The following ZHX1 variants were observed in gnomAD, a reference collection of about 807,000 sequenced individuals.
The protein encoded by ZHX1 is zinc fingers and homeoboxes protein 1.
A neutral mutation model predicts 61.8 loss-of-function variants in ZHX1; 20 were observed. The ratio of observed to expected loss-of-function variants is 0.32; its 90% CI spans 0.23 to 0.47. The LOEUF (loss-of-function observed/expected upper bound fraction) is 0.47, where lower values mean the gene tolerates loss of function less well. Ranked by LOEUF, ZHX1 falls within the 20% of genes least tolerant of loss-of-function variation. The probability of loss-of-function intolerance (pLI) is 1.00; values close to 1 mark genes in which losing one functional copy is unlikely to be tolerated. For synonymous variants in ZHX1, 318 were observed against 352.6 expected (o/e 0.90, Z 1.10); for missense variants, 800 against 1,034.8 (o/e 0.77, Z 3.11).
At chr8:123,250,769 T>G (rs1488748318) in intron 3 of ZHX1, among the ~76,000 whole-genome samples, 1 of 152,248 alleles carries the variant, frequency 6.6e-6, no homozygotes, top group African/African-American at 2.4e-5. Context: ...GAGAAGGCTA[T>G]GGTGAATCCT....
chr8:123,262,674 T>C (rs976746308), intron 2 of ZHX1, among the ~76,000 whole-genome samples: 8 of 152,166 alleles, frequency 5.3e-5, no homozygotes, highest in African/African-American at 1.9e-4. Context: ...TGTTATCACA[T>C]TGCTTTATTA....
At position 123,254,237 on chromosome 8, in the gene ZHX1, T is replaced by A; in HGVS notation, c.1710A>T (p.Gln570His). 6.2e-7 allele frequency: 1 copy of A among 1,614,128 alleles called. No individual in the cohort carries two copies. Among genetic ancestry groups the A allele is most frequent in the Non-Finnish European group, 8.5e-7 (1 of 1,180,008 alleles). ...SWNPFPDFTP[Q>H]KFKEKTAEQL... ...GCTCTGCAGTTTTCTCTTTAAACTT[T>A]TGGGGAGTAAAGTCAGGAAAAGGAT... is the stretch of plus-strand genomic sequence containing the variant. Residue 570 changes from glutamine (Q) to histidine (H), a missense_variant, in exon 3 of 4, where the codon CAA becomes CAT. Physicochemically the swap from Gln to His is conservative, Grantham distance 24 (BLOSUM62 0). Coordinates refer to ENST00000395571, the MANE Select transcript of ZHX1 (RefSeq NM_007222.5). The surrounding 1 kb of genome is among the most constrained non-coding windows in gnomAD (Gnocchi z 4.1).
In ZHX1 at chr8:123,254,914, G is replaced by C; in HGVS notation, c.1033C>G (p.Pro345Ala). 6.2e-7 allele frequency: 1 copy of C among 1,614,160 alleles called. No homozygotes were observed. Among genetic ancestry groups the C allele is most frequent in the Non-Finnish European group, 8.5e-7 (1 of 1,180,024 alleles). The change falls in exon 3 of 4, where the codon CCC (proline) becomes GCC (alanine). Residue 345 changes from proline (P) to alanine (A), a missense_variant. Physicochemically the swap from Pro to Ala is conservative, Grantham distance 27 (BLOSUM62 -1). Transcript: ENST00000395571. This position sits in a 1 kb window ranked among gnomAD's most constrained non-coding sequence, Gnocchi z 4.1. Reference sequence around the variant, plus strand: ...CTTCTTGCCTCCTCTACTTCCTCGGGAGTCCAACTAACACCATGTTTTAAA... The same window carrying C: ...CTTCTTGCCTCCTCTACTTCCTCGGCAGTCCAACTAACACCATGTTTTAAA... ...QRLKHGVSWT[P>A]EEVEEARRKQ... is the part of the protein sequence containing the mutation.
At position 123,250,196 on chromosome 8, in the gene ZHX1, T is replaced by C. The variant is rs1196175978; in HGVS notation, c.*128A>G. ...CATTAAGTTCCATTTCTTTTGGGTA[T>C]TGGATCCTGCTTTTTGAGTGTGTAT... On this transcript the variant is annotated 3_prime_UTR_variant, in exon 4 of 4. Transcript: ENST00000395571. The C allele has an allele frequency of 6.6e-6, 3 of 451,376 alleles. No homozygotes were observed. Among genetic ancestry groups the C allele is most frequent in the African/African-American group, 4.0e-5 (2 of 49,846 alleles). The allele number at this position is 451,376 out of a possible 1,614,324, so 28.0% of individuals were successfully genotyped here. A position where few individuals can be genotyped will look rare whatever the true frequency, so the allele number is the denominator to read the frequency against.
chr8:123,268,049 T>C (rs1471398279), intron 1 of ZHX1, among the ~76,000 whole-genome samples: 1 of 152,138 alleles, frequency 6.6e-6, no homozygotes, highest in Non-Finnish European at 1.5e-5. Context: ...TGAAGACAAT[T>C]TAGTTAAACT....
intron 3 of ZHX1, among the ~76,000 whole-genome samples, chr8:123,251,022 C>T (rs1183811359): frequency 6.6e-6 from 1 of 152,064 alleles, no homozygotes; most frequent in African/African-American, 2.4e-5. Context: ...TGTATAAGCC[C>T]ATACATAACT....
chr8:123,253,741 C>G lies in ZHX1; in HGVS notation c.2206G>C (p.Gly736Arg). ...CCTCTTTTCCTAAGGGAAGACAGAC[C>G]ATTCATACTACTTGAATTGGCGCTC... ...YQSANSSSMN[G>R]LSSLRKRGRG... Residue 736 changes from glycine to arginine, a missense_variant, in exon 3 of 4, where the codon GGT becomes CGT. Coordinates refer to ENST00000395571, the MANE Select transcript of ZHX1 (RefSeq NM_007222.5). 6.2e-7 allele frequency: 1 copy of G among 1,614,178 alleles called. No individual in the cohort carries two copies. The highest frequency in any genetic ancestry group is 8.5e-7 in the Non-Finnish European group (1 of 1,180,022).
chr8:123,265,811 G>A (rs1421089237), intron 2 of ZHX1, among the ~76,000 whole-genome samples: 1 of 152,176 alleles, frequency 6.6e-6, no homozygotes, highest in Non-Finnish European at 1.5e-5. Context: ...AATAATAAAA[G>A]TGAAAGCATC....
In ZHX1 at chr8:123,254,161, C is replaced by T. The variant is rs1423824764; in HGVS notation, c.1786G>A (p.Glu596Lys). 2 of 1,614,036 alleles carry T rather than the reference C, an allele frequency of 1.2e-6. No individual in the cohort carries two copies. Among genetic ancestry groups the T allele is most frequent in the Non-Finnish European group, 1.7e-6 (2 of 1,180,024 alleles). ...TGTGCCCTTAACCTATTTAATTCTT[C>T]ATCTGTAAGTACAGAGCTGTTGAGA... ...SFLNSSVLTD[E>K]ELNRLRAQTK... is the part of the protein sequence containing the mutation. The change falls in exon 3 of 4, where the codon GAA (glutamate) becomes AAA (lysine). Residue 596 changes from glutamate to lysine, a missense_variant. Physicochemically the swap from Glu to Lys is moderately conservative, Grantham distance 56. Transcript: ENST00000395571. The surrounding 1 kb of genome is among the most constrained non-coding windows in gnomAD (Gnocchi z 4.1).
At position 123,274,201 on chromosome 8, in the gene ZHX1, C is replaced by G. The variant is rs932521440; in HGVS notation, c.-340+16G>C. On this transcript the variant is annotated intron_variant, in intron 1 of 3. Coordinates refer to ENST00000395571, the MANE Select transcript of ZHX1 (RefSeq NM_007222.5). Reference sequence around the variant, plus strand: ...TCTCCGGGCCCGCTGGTCGCGGAGCCGGCTCGCGCCACTACCTGCAGGGGC... The same window carrying G: ...TCTCCGGGCCCGCTGGTCGCGGAGCGGGCTCGCGCCACTACCTGCAGGGGC... The G allele has an allele frequency of 6.6e-6, 1 of 152,660 alleles. No individual in the cohort carries two copies. Among genetic ancestry groups the G allele is most frequent in the Non-Finnish European group, 1.5e-5 (1 of 68,416 alleles). 9.5% of individuals were successfully genotyped at this position (152,660 alleles called of 1,614,324 possible). A position where few individuals can be genotyped will look rare whatever the true frequency, so the allele number is the denominator to read the frequency against.
chr8:123,261,759 C>A (rs527637856), intron 2 of ZHX1, among the ~76,000 whole-genome samples: 1 of 152,022 alleles, frequency 6.6e-6, no homozygotes, highest in African/African-American at 2.4e-5. Flanking sequence ...TATTTTCAGT[C>A]CCTGAAAAAT....
rs886093693 is a variant in ZHX1 at position 123,249,942 on chromosome 8, T to C, written c.*382A>G. On this transcript the variant is annotated 3_prime_UTR_variant, in exon 4 of 4. Transcript: ENST00000395571. ...CATCTCAAAGAATAGAGGCAATATATAGCCCATCTTACTAGACATACAGTA... is the reference window on the plus strand; with the variant it reads ...CATCTCAAAGAATAGAGGCAATATACAGCCCATCTTACTAGACATACAGTA... The C allele has an allele frequency of 1.6e-4, 26 of 157,702 alleles. No homozygotes were observed. The highest frequency in any genetic ancestry group is 2.8e-4 in the Non-Finnish European group (20 of 72,062). 9.8% of individuals were successfully genotyped at this position (157,702 alleles called of 1,614,324 possible). A position where few individuals can be genotyped will look rare whatever the true frequency, so the allele number is the denominator to read the frequency against.
At position 123,255,953 on chromosome 8, in the gene ZHX1, G is replaced by C; in HGVS notation, c.-7C>G. 2 of 1,596,852 alleles carry C rather than the reference G, an allele frequency of 1.3e-6. No individual in the cohort carries two copies. Among genetic ancestry groups the C allele is most frequent in the Non-Finnish European group, 8.5e-7 (1 of 1,170,638 alleles). On this transcript the variant is annotated 5_prime_UTR_variant, in exon 3 of 4. Transcript: ENST00000395571. The stretch of plus-strand genomic sequence containing the variant: ...ATTTTCGCCTGCTTGCCATTCTGAT[G>C]TTATGAGGAAAAGCTCAGTGGTGAT...
chr8:123,253,636 T>C lies in ZHX1; in HGVS notation c.2311A>G (p.Arg771Gly), dbSNP rs760580123. Residue 771 changes from arginine (R) to glycine (G), a missense_variant, in exon 3 of 4, where the codon AGG (arginine) becomes GGG (glycine). Physicochemically the swap from Arg to Gly is moderately radical, Grantham distance 125. Coordinates refer to ENST00000395571, the MANE Select transcript of ZHX1 (RefSeq NM_007222.5). Reference sequence around the variant, plus strand: ...TTAAATTTTATGAGTGATGGTCCCCTGTCCCAGTTGTTAATTCTTTTGCTT... The same window carrying C: ...TTAAATTTTATGAGTGATGGTCCCCCGTCCCAGTTGTTAATTCTTTTGCTT... ...RGSKRINNWDRGPSLIKFKTG... is the reference protein window; with the variant it reads ...RGSKRINNWDGGPSLIKFKTG... The C allele has an allele frequency of 8.7e-6, 14 of 1,614,220 alleles. No homozygotes were observed. The highest frequency in any genetic ancestry group is 1.2e-5 in the Non-Finnish European group (14 of 1,180,016).
intron 2 of ZHX1, among the ~76,000 whole-genome samples, chr8:123,265,053 G>A (rs1206017619): frequency 8.6e-5 from 13 of 151,136 alleles, no homozygotes; most frequent in Non-Finnish European, 1.5e-4. Flanking sequence ...GCCCGGCGTC[G>A]TGGCGTGCAC....
At chr8:123,275,166 G>A (rs1826803855), upstream of ZHX1, among the ~76,000 whole-genome samples, 1 of 152,252 alleles carries the variant, frequency 6.6e-6, no homozygotes, top group Non-Finnish European at 1.5e-5. Flanking sequence ...TCCGAGTCGA[G>A]GGCTTCACAT....
chr8:123,253,061 C>A (rs1825962025), intron 3 of ZHX1: 4 of 336,900 alleles, frequency 1.2e-5, no homozygotes, highest in Non-Finnish European at 2.1e-5. Context: ...GATTGGGTAA[C>A]TTTCCTTCAA....
chr8:123,265,516 A>G (rs140913803), intron 2 of ZHX1, among the ~76,000 whole-genome samples: 1 of 152,360 alleles, frequency 6.6e-6, no homozygotes, highest in Non-Finnish European at 1.5e-5. Flanking sequence ...AACAAAAGGT[A>G]TCCACCGTGT....
intron 1 of ZHX1, among the ~76,000 whole-genome samples, chr8:123,270,751 A>C (rs1185755774): frequency 6.7e-6 from 1 of 148,512 alleles, no homozygotes; most frequent in Admixed American, 6.9e-5. Flanking sequence ...ATGCCACTGC[A>C]CTCCAGCCTG....
Sources: allele counts gnomAD v4.1 joint callset (sites outside exome capture counted in the v4.1 genomes callset), GRCh38; gene constraint gnomAD v4.1.1; non-coding constraint Gnocchi (gnomAD v3.1); transcripts MANE v1.5; gene names NCBI Gene and HGNC (gene_info 2026-07-23, HGNC 2026-07-21).